Variants in PAPOLA observed in about 807,000 individuals in gnomAD.
PAPOLA encodes the protein poly(A) polymerase alpha.
A neutral mutation model predicts 100.6 loss-of-function variants in PAPOLA; 15 were observed. The observed-to-expected ratio is 0.15, with a 90% CI of 0.10 to 0.23. The LOEUF (loss-of-function observed/expected upper bound fraction) is 0.23, where lower values mean the gene tolerates loss of function less well. PAPOLA is among the 10% of genes least tolerant of loss of function. PAPOLA has a pLI of 1.00. For synonymous variants in PAPOLA, 293 were observed against 300.0 expected (o/e 0.98, Z 0.24); for missense variants, 533 against 884.2 (o/e 0.60, Z 5.04).
intron 3 of PAPOLA, among the ~76,000 whole-genome samples, chr14:96,524,550 G>T (rs1314402867): frequency 6.6e-6 from 1 of 151,226 alleles, no homozygotes; most frequent in Non-Finnish European, 1.5e-5. Flanking sequence ...TTGAGACAGG[G>T]TCTGACTGTC....
Position 96,532,347 on chromosome 14 carries a change from T to C in PAPOLA, c.624T>C (p.Asp208=). ...IRSLNGCRVT[D]EILHLVPNID... is the part of the protein sequence containing the mutation. ...ATTAATTAGGTTGCAGGGTAACCGA[T>C]GAAATTTTACATCTAGTACCAAACA... Residue 208 remains aspartate (D), a synonymous_variant, in exon 8 of 22, where the codon GAT becomes GAC. Coordinates refer to ENST00000216277, the MANE Select transcript of PAPOLA (RefSeq NM_032632.5). The C allele has an allele frequency of 6.2e-7, 1 of 1,612,742 alleles. No homozygotes were observed. Among genetic ancestry groups the C allele is most frequent in the East Asian group, 2.2e-5 (1 of 44,834 alleles).
At position 96,560,730 on chromosome 14, in the gene PAPOLA, T is replaced by A; in HGVS notation, c.2067+19T>A. ...AGCAAAGGTATACTAATTTAGCCTT[T>A]AGAATACATACACAATTAAGAGTAC... On this transcript the variant is annotated intron_variant, in intron 20 of 21. Coordinates refer to ENST00000216277, the MANE Select transcript of PAPOLA (RefSeq NM_032632.5). The A allele has an allele frequency of 7.1e-7, 1 of 1,415,252 alleles. No individual in the cohort carries two copies. The highest frequency in any genetic ancestry group is 1.0e-6 in the Non-Finnish European group (1 of 1,002,816). The allele number at this position is 1,415,252 out of a possible 1,614,324, so 87.7% of individuals were successfully genotyped here.
chr14:96,563,254 T>C, intron 21 of PAPOLA, among the ~76,000 whole-genome samples: 1 of 152,222 alleles, frequency 6.6e-6, no homozygotes, highest in East Asian at 1.9e-4. Flanking sequence ...GGATTTCTTT[T>C]GCAAAGGCTA....
chr14:96,534,741 A>C, intron 10 of PAPOLA, 178 bp downstream of exon 10: 3 of 1,425,442 alleles, frequency 2.1e-6, no homozygotes, highest in Non-Finnish European at 2.7e-6. Context: ...TGTGAGAAGC[A>C]TAATTATGTA....
chr14:96,562,805 T>A lies in PAPOLA; in HGVS notation c.2068-14T>A, dbSNP rs1214268562. 3.2e-6 allele frequency: 5 copies of A among 1,557,358 alleles called. No homozygotes were observed. The stretch of plus-strand genomic sequence containing the variant: ...AGTCTCTTTTCCCCCTTCCCCATCC[T>A]CTTTGTCTCACAGGAACAACTTGAT... On this transcript the variant is annotated splice_polypyrimidine_tract_variant and intron_variant, in intron 20 of 21. Coordinates refer to ENST00000216277, the MANE Select transcript of PAPOLA (RefSeq NM_032632.5).
At chr14:96,555,213 A>AC (rs1901204620) in intron 17 of PAPOLA, among the ~76,000 whole-genome samples, 2 of 139,222 alleles carry the variant, frequency 1.4e-5, no homozygotes, top group South Asian at 2.4e-4. Context: ...CTCATTCATA[A>AC]CTTTTTTTTT....
At position 96,532,261 on chromosome 14, in the gene PAPOLA, GT is replaced by G. The variant is rs968829240; in HGVS notation, c.608-61del. On this transcript the variant is annotated intron_variant, in intron 7 of 21. Transcript: ENST00000216277. ...ATTAAACTTTTGATGATTTAATGTT[GT>G]TTTTTTTTGTTTTGTTTTGTTTTGT... 4.4e-4 allele frequency: 621 copies of G among 1,401,788 alleles called. 3 individuals carry two copies. Among genetic ancestry groups the G allele is most frequent in the South Asian group, 1.0e-3 (68 of 65,836 alleles). The allele number at this position is 1,401,788 out of a possible 1,614,324, so 86.8% of individuals were successfully genotyped here. A position where few individuals can be genotyped will look rare whatever the true frequency, so the allele number is the denominator to read the frequency against.
chr14:96,512,498 C>T (rs780667469), intron 1 of PAPOLA, among the ~76,000 whole-genome samples: 25 of 152,172 alleles, frequency 1.6e-4, no homozygotes, highest in Non-Finnish European at 2.1e-4. Flanking sequence ...ATATTCTGGT[C>T]CAGTAAACTT....
In PAPOLA at chr14:96,531,531, A is replaced by G. The variant is rs1899015390; in HGVS notation, c.552A>G (p.Leu184=). Residue 184 remains leucine, a synonymous_variant, in exon 7 of 22, where the codon CTA becomes CTG. Transcript: ENST00000216277. ...AGACAATTCCTGAAGATTTGGATCT[A>G]CGAGATGACAGTCTGCTAAAAAATT... The part of the protein sequence containing the change: ...ALQTIPEDLD[L]RDDSLLKNLD... The G allele has an allele frequency of 3.1e-6, 5 of 1,610,268 alleles. No homozygotes were observed. The South Asian group carries it at 5.5e-5, about 18-fold the overall frequency.
intron 1 of PAPOLA, among the ~76,000 whole-genome samples, chr14:96,518,436 TCTCG>T (rs1165276729): frequency 6.6e-6 from 1 of 150,662 alleles, no homozygotes; most frequent in African/African-American, 2.4e-5. Flanking sequence ...TGAGACGGAG[TCTCG>T]CTCTGTCCCC....
intron 1 of PAPOLA, among the ~76,000 whole-genome samples, chr14:96,503,443 A>T (rs1201926405): frequency 6.6e-6 from 1 of 151,256 alleles, no homozygotes; most frequent in Non-Finnish European, 1.5e-5. Flanking sequence ...GGGTTTTTAA[A>T]AAGTTTTTTT....
At chr14:96,542,017 T>G in intron 12 of PAPOLA, 1 of 324,854 alleles carries the variant, frequency 3.1e-6, no homozygotes, top group East Asian at 5.0e-5. Flanking sequence ...AGCTGCTTTT[T>G]GGTAATTATT....
intron 12 of PAPOLA, among the ~76,000 whole-genome samples, chr14:96,540,527 TG>T (rs1483133357): frequency 3.3e-5 from 5 of 152,118 alleles, no homozygotes; most frequent in Non-Finnish European, 5.9e-5. Flanking sequence ...ACTCCGAGTA[TG>T]GGTTTTTCTA....
At chr14:96,509,233 C>T (rs1182447588) in intron 1 of PAPOLA, among the ~76,000 whole-genome samples, 2 of 152,018 alleles carry the variant, frequency 1.3e-5, no homozygotes, top group Non-Finnish European at 2.9e-5. Context: ...GGTTTTGCCA[C>T]GTTGCCCAGG....
At chr14:96,505,390 T>G (rs1008502615) in intron 1 of PAPOLA, among the ~76,000 whole-genome samples, 11 of 152,226 alleles carry the variant, frequency 7.2e-5, no homozygotes, top group African/African-American at 2.7e-4. Context: ...AAACTAGATG[T>G]ATTTCTGCCC....
At chr14:96,542,621 T>C (rs553271606) in intron 13 of PAPOLA, 153 bp from the exon 14 acceptor site, 2 of 669,246 alleles carry the variant, frequency 3.0e-6, no homozygotes, top group African/African-American at 1.9e-5. Flanking sequence ...TGGCTCTTTT[T>C]TCCCCGTTGT....
Position 96,529,949 on chromosome 14 carries a change from A to G in PAPOLA, c.496-1526A>G, listed in dbSNP as rs374744972. On this transcript the variant is annotated intron_variant, in intron 6 of 21. Coordinates refer to ENST00000216277, the MANE Select transcript of PAPOLA (RefSeq NM_032632.5). ...GGTTGTTTTAGGCTGTACTTTCCCC[A>G]GTGTTTTTGTTTTACTTAAAACTCA... Among the ~76,000 whole-genome samples, 11 of 152,284 alleles carry G rather than the reference A, an allele frequency of 7.2e-5. 1 individual carries two copies. In the South Asian group the frequency reaches 1.0e-3, roughly 14 times the overall value.
chr14:96,533,468 T>G, intron 9 of PAPOLA: 1 of 984,450 alleles, frequency 1.0e-6, no homozygotes, highest in Non-Finnish European at 1.2e-6. Flanking sequence ...GCCACACTTT[T>G]CAGTACACAT....
intron 7 of PAPOLA, chr14:96,532,052 T>G: frequency 7.9e-7 from 1 of 1,270,760 alleles, no homozygotes; most frequent in Non-Finnish European, 9.9e-7. Flanking sequence ...GTTTTAATTG[T>G]GAATCTGAAG....
Sources: allele counts gnomAD v4.1 joint callset (sites outside exome capture counted in the v4.1 genomes callset), GRCh38; gene constraint gnomAD v4.1.1; transcripts MANE v1.5; gene names NCBI Gene and HGNC (gene_info 2026-07-23, HGNC 2026-07-21).